The following NPAS3 variants were observed in gnomAD, a reference collection of about 807,000 sequenced individuals.
NPAS3 encodes the protein neuronal PAS domain-containing protein 3.
In NPAS3, 14 loss-of-function variants were observed where a neutral mutation model predicts 73.1. That is an observed-to-expected ratio of 0.19 (90% confidence interval 0.13 to 0.30). The LOEUF is 0.30. NPAS3 is among the 10% of genes least tolerant of loss of function. The probability of loss-of-function intolerance (pLI) is 1.00; values close to 1 mark genes in which losing one functional copy is unlikely to be tolerated. For synonymous variants in NPAS3, 620 were observed against 541.5 expected (o/e 1.14, Z -2.01); for missense variants, 1,096 against 1,250.0 (o/e 0.88, Z 1.86).
chr14:33,771,490 A>G (rs1221246138), intron 7 of NPAS3, among the ~76,000 whole-genome samples: 2 of 152,198 alleles, frequency 1.3e-5, no homozygotes, highest in Non-Finnish European at 1.5e-5. Context: ...AATCTTTTCA[A>G]AAGTTCATAT....
chr14:33,520,635 C>T (rs1040034139), intron 4 of NPAS3, among the ~76,000 whole-genome samples: 19 of 152,080 alleles, frequency 1.2e-4, no homozygotes, highest in African/African-American at 4.6e-4. Context: ...AACAGTTAAA[C>T]ACAGTGATTT....
At chr14:33,306,019 A>C (rs542746358) in intron 3 of NPAS3, among the ~76,000 whole-genome samples, 39 of 152,300 alleles carry the variant, frequency 2.6e-4, no homozygotes, top group African/African-American at 9.1e-4. Flanking sequence ...GACCAGCATT[A>C]TATATTATAT....
intron 4 of NPAS3, among the ~76,000 whole-genome samples, chr14:33,518,837 T>C (rs2053430719): frequency 6.6e-6 from 1 of 152,010 alleles, no homozygotes; most frequent in Non-Finnish European, 1.5e-5. Flanking sequence ...GTCCATGCAC[T>C]CTACCACAGT....
intron 5 of NPAS3, among the ~76,000 whole-genome samples, chr14:33,646,518 T>A (rs754840763): frequency 1.8e-4 from 27 of 152,196 alleles, no homozygotes; most frequent in Non-Finnish European, 3.5e-4. Flanking sequence ...TCATAACATA[T>A]ATGAGTAACG....
intron 5 of NPAS3, among the ~76,000 whole-genome samples, chr14:33,675,623 A>C (rs1686437660): frequency 6.6e-6 from 1 of 152,232 alleles, no homozygotes; most frequent in African/African-American, 2.4e-5. Context: ...AAAATCCCTC[A>C]TACGATTACA....
intron 2 of NPAS3, among the ~76,000 whole-genome samples, chr14:33,183,436 T>G (rs1374709038): frequency 0.014 from 1,147 of 83,058 alleles, 14 homozygotes; most frequent in Middle Eastern, 0.027. Context: ...TTTTTTTTTT[T>G]TTTTTTTTTT....
At chr14:32,938,296 G>T (rs2035766682), upstream of NPAS3, among the ~76,000 whole-genome samples, 1 of 151,988 alleles carries the variant, frequency 6.6e-6, no homozygotes, top group Admixed American at 6.5e-5. Context: ...GGAGCTCCCG[G>T]GACTGTGTCC....
intron 7 of NPAS3, among the ~76,000 whole-genome samples, chr14:33,746,489 C>T (rs866462764): frequency 1.7e-4 from 26 of 149,666 alleles, no homozygotes; most frequent in Admixed American, 6.6e-4. Flanking sequence ...ACCCGGCCCT[C>T]TACTGACTCA....
rs1595118328 is a variant in NPAS3, at chr14:33,542,231, G to A, written c.469-17890G>A. ...TCTCACACCTCAACGTTTAGGCAGG[G>A]TCTTTCTCAAGCCATACTCGCCAGC... On this transcript the variant is annotated intron_variant, in intron 4 of 11. Coordinates refer to ENST00000356141, the Ensembl canonical transcript of NPAS3. Among the ~76,000 whole-genome samples, 3 of 152,146 alleles carry A rather than the reference G, an allele frequency of 2.0e-5. No homozygotes were observed. In the South Asian group the frequency reaches 6.2e-4, roughly 32 times the overall value.
At chr14:33,409,044 G>T (rs1223115317) in intron 4 of NPAS3, among the ~76,000 whole-genome samples, 1 of 152,160 alleles carries the variant, frequency 6.6e-6, no homozygotes, top group Non-Finnish European at 1.5e-5. Flanking sequence ...GGGCTTCTAA[G>T]TTCTCCCACT....
intron 4 of NPAS3, among the ~76,000 whole-genome samples, chr14:33,482,058 T>TTTG (rs1337577098): frequency 1.3e-5 from 2 of 151,420 alleles, no homozygotes; most frequent in Admixed American, 6.6e-5. Context: ...AGCAAGTTTT[T>TTTG]TTTTTTTTTT....
chr14:33,103,709 G>A (rs1267611163), intron 2 of NPAS3, among the ~76,000 whole-genome samples: 2 of 152,160 alleles, frequency 1.3e-5, no homozygotes, highest in East Asian at 1.9e-4. Flanking sequence ...ATAATGAAGG[G>A]TGTTGGAACA....
At chr14:33,521,517 A>T in intron 4 of NPAS3, among the ~76,000 whole-genome samples, 1 of 96,322 alleles carries the variant, frequency 1.0e-5, no homozygotes, top group South Asian at 3.7e-4. Flanking sequence ...CTGCTTTAAA[A>T]AAAAAAAAAA....
At chr14:33,115,811 T>C (rs984653361) in intron 2 of NPAS3, among the ~76,000 whole-genome samples, 4 of 152,168 alleles carry the variant, frequency 2.6e-5, no homozygotes, top group Admixed American at 2.6e-4. Flanking sequence ...GAAAATTCTA[T>C]GAAGGTGACC....
At chr14:32,956,739 C>T (rs993001039) in intron 1 of NPAS3, among the ~76,000 whole-genome samples, 4 of 151,940 alleles carry the variant, frequency 2.6e-5, no homozygotes, top group African/African-American at 7.3e-5. Context: ...ATTTAAATAC[C>T]AGTTTATTAA....
At chr14:33,452,719 G>A (rs1437379553) in intron 4 of NPAS3, among the ~76,000 whole-genome samples, 1 of 135,628 alleles carries the variant, frequency 7.4e-6, no homozygotes, top group African/African-American at 2.9e-5. Flanking sequence ...AGTTTGCAGT[G>A]AGCCCAGATC....
At chr14:33,337,232 T>C (rs4982070) in intron 3 of NPAS3, among the ~76,000 whole-genome samples, 119,566 of 152,076 alleles carry the variant, frequency 0.79, 47,623 homozygotes, top group African/African-American at 0.92. Flanking sequence ...CCATGATCCA[T>C]TTTGAATTAA....
chr14:33,711,255 A>G (rs993202899), intron 6 of NPAS3, among the ~76,000 whole-genome samples: 13 of 152,222 alleles, frequency 8.5e-5, no homozygotes, highest in African/African-American at 3.1e-4. Flanking sequence ...AGGGAAAAAA[A>G]TCTATTTTGA....
intron 5 of NPAS3, among the ~76,000 whole-genome samples, chr14:33,600,232 G>C (rs190822416): frequency 1.2e-3 from 183 of 152,260 alleles, no homozygotes; most frequent in Non-Finnish European, 1.9e-3. Context: ...TGTTTGACTA[G>C]TGCCATTAGC....
Sources: gnomAD v4.1 joint callset for allele counts (sites outside exome capture counted in the v4.1 genomes callset) on GRCh38, gnomAD v4.1.1 for gene constraint, MANE v1.5 for transcripts, NCBI Gene and HGNC (gene_info 2026-07-23, HGNC 2026-07-21) for gene names.